The following CR1L variants were observed in gnomAD, a reference collection of about 807,000 sequenced individuals.
CR1L encodes complement C3b/C4b receptor 1 like.
CR1L carries 59 observed loss-of-function variants against 62.3 expected under a neutral mutation model. The observed-to-expected ratio is 0.95, with a 90% CI of 0.77 to 1.18. The LOEUF (loss-of-function observed/expected upper bound fraction) is 1.18. Ranked by LOEUF, CR1L falls within the 50% of genes most tolerant of loss-of-function variation. The pLI is 0.00. For missense variants in CR1L, 700 were observed against 702.8 expected (o/e 1.00, Z 0.04); for synonymous variants, 279 against 248.7 (o/e 1.12, Z -1.15).
intron 1 of CR1L, among the ~76,000 whole-genome samples, chr1:207,676,369 G>A (rs1663692269): frequency 6.6e-6 from 1 of 152,190 alleles, no homozygotes; most frequent in South Asian, 2.1e-4. Flanking sequence ...AACAGTAGGA[G>A]GTGAGCGGCC....
chr1:207,679,141 G>T (rs1042573269), intron 3 of CR1L, among the ~76,000 whole-genome samples: 1 of 148,270 alleles, frequency 6.7e-6, no homozygotes, highest in Non-Finnish European at 1.5e-5. Context: ...GGGACAACAG[G>T]TGCCCACCAC....
intron 1 of CR1L, chr1:207,669,492 G>A: frequency 6.3e-7 from 1 of 1,581,076 alleles, no homozygotes; most frequent in Admixed American, 1.7e-5. Flanking sequence ...GGCAGCCGGC[G>A]CCCGGTCTCC....
chr1:207,722,666 G>A (rs141985259), intron 11 of CR1L, among the ~76,000 whole-genome samples: 4 of 152,158 alleles, frequency 2.6e-5, no homozygotes, highest in East Asian at 3.9e-4. Context: ...TTAAATTAAC[G>A]ACAAACAGGT....
At chr1:207,656,568 C>A (rs1213689095) in intron 1 of CR1L, among the ~76,000 whole-genome samples, 1 of 152,010 alleles carries the variant, frequency 6.6e-6, no homozygotes, top group Admixed American at 6.6e-5. Flanking sequence ...ACAAGCTGTA[C>A]AGGAAGCATG....
chr1:207,664,276 G>T (rs1160672538), intron 1 of CR1L, among the ~76,000 whole-genome samples: 3 of 152,174 alleles, frequency 2.0e-5, no homozygotes. Flanking sequence ...CATTTCTGTG[G>T]TCTTCAGTTT....
At chr1:207,660,827 A>G (rs1241582657) in intron 1 of CR1L, among the ~76,000 whole-genome samples, 1 of 152,160 alleles carries the variant, frequency 6.6e-6, no homozygotes, top group Non-Finnish European at 1.5e-5. Context: ...TGTGTCCCAG[A>G]GATTCTGGTA....
At chr1:207,670,236 G>C (rs1273031878) in intron 1 of CR1L, among the ~76,000 whole-genome samples, 1 of 151,050 alleles carries the variant, frequency 6.6e-6, no homozygotes, top group East Asian at 1.9e-4. Context: ...TGATGCACTT[G>C]ATTGACAGCA....
chr1:207,695,698 G>A (rs1664067902), intron 5 of CR1L, among the ~76,000 whole-genome samples: 3 of 152,180 alleles, frequency 2.0e-5, no homozygotes, highest in Admixed American at 1.3e-4. Flanking sequence ...TTAACTCTCA[G>A]TTCTGCAGGC....
At chr1:207,723,066 G>C (rs1654173381) in intron 11 of CR1L, among the ~76,000 whole-genome samples, 1 of 152,056 alleles carries the variant, frequency 6.6e-6, no homozygotes, top group African/African-American at 2.4e-5. Context: ...CTAGGATTTG[G>C]GGTGATATTT....
Position 207,708,260 on chromosome 1 carries a change from C to T in CR1L, c.1411C>T (p.Gln471Ter), listed in dbSNP as rs200058088. 47 of 1,611,108 alleles carry T rather than the reference C, an allele frequency of 2.9e-5. No individual in the cohort carries two copies. Among genetic ancestry groups the T allele is most frequent in the Middle Eastern group, 2.2e-4 (1 of 4,448 alleles). ...TTGGAGCATGAAGCCACCAATTTGT[C>T]AACGTGAGTTGAAATCTCTTTCCCC... is the stretch of plus-strand genomic sequence containing the variant. ...AHWSMKPPIC[Q>*]QIFCPNPPAI... is the part of the protein sequence containing the mutation. Residue 471 changes from glutamine (Q) to a stop codon, truncating the protein, a stop_gained, in exon 10 of 12, where the codon CAA (glutamine) becomes TAA (stop). Transcript: ENST00000508064. LOFTEE classifies it high-confidence loss of function.
chr1:207,710,457 G>C, intron 10 of CR1L: 1 of 1,593,468 alleles, frequency 6.3e-7, no homozygotes, highest in Non-Finnish European at 8.6e-7. Context: ...TTTCACTATG[G>C]ATCAGTGGTG....
At chr1:207,688,996 T>C (rs887947056) in intron 4 of CR1L, among the ~76,000 whole-genome samples, 1 of 152,198 alleles carries the variant, frequency 6.6e-6, no homozygotes, top group African/African-American at 2.4e-5. Flanking sequence ...TCCTTTCTTA[T>C]GTCTTTTGTT....
At chr1:207,683,146 T>G in intron 3 of CR1L, among the ~76,000 whole-genome samples, 1 of 150,648 alleles carries the variant, frequency 6.6e-6, no homozygotes, top group East Asian at 1.9e-4. Flanking sequence ...CCCGCCCCTT[T>G]CTTTCCTACT....
At chr1:207,685,131 CAATAT>C (rs1204037111) in intron 4 of CR1L, among the ~76,000 whole-genome samples, 1 of 152,072 alleles carries the variant, frequency 6.6e-6, no homozygotes, top group East Asian at 1.9e-4. Flanking sequence ...AAAAAACAAA[CAATAT>C]AATAATACAC....
chr1:207,682,437 C>T (rs1023874017), intron 3 of CR1L, among the ~76,000 whole-genome samples: 7 of 151,840 alleles, frequency 4.6e-5, no homozygotes, highest in Non-Finnish European at 5.9e-5. Flanking sequence ...CCAGCCTGGG[C>T]GACAAGAGTG....
Position 207,699,232 on chromosome 1 carries a change from G to A in CR1L, c.1186G>A (p.Gly396Arg), listed in dbSNP as rs757271882. 7 of 1,613,608 alleles carry A rather than the reference G, an allele frequency of 4.3e-6. No homozygotes were observed. The African/African-American group carries it at 8.0e-5, about 18-fold the overall frequency. Residue 396 changes from glycine (G) to arginine (R), a missense_variant, in exon 8 of 12, where the codon GGA becomes AGA. By Grantham distance (125) the Gly-to-Arg change is moderately radical. Transcript: ENST00000508064. ...GSSASYCVLA[G>R]MESLWNSSVP... Reference sequence around the variant, plus strand: ...CTCTGCTAGTTACTGTGTTTTGGCTGGAATGGAAAGCCTTTGGAATAGCAG... The same window carrying A: ...CTCTGCTAGTTACTGTGTTTTGGCTAGAATGGAAAGCCTTTGGAATAGCAG...
chr1:207,655,309 A>G, intron 1 of CR1L: 2 of 519,334 alleles, frequency 3.9e-6, no homozygotes, highest in Non-Finnish European at 7.0e-6. Flanking sequence ...TTTTTAATTC[A>G]GACCAGTAGT....
intron 10 of CR1L, among the ~76,000 whole-genome samples, chr1:207,713,504 G>A (rs551450848): frequency 1.3e-5 from 2 of 152,360 alleles, no homozygotes; most frequent in East Asian, 1.9e-4. Flanking sequence ...CTCTACCCAG[G>A]ATCAATGCAG....
chr1:207,677,528 A>G lies in CR1L; in HGVS notation c.237A>G (p.Leu79=). The change falls in exon 2 of 12, where the codon CTA becomes CTG. Residue 79 remains leucine, a synonymous_variant. Coordinates refer to ENST00000508064, the MANE Select transcript of CR1L (RefSeq NM_175710.2). The part of the protein sequence containing the change: ...YSGRPFSIIC[L]KNSVWTSAKD... ...GAAGACCGTTTTCTATCATCTGCCT[A>G]AAAAACTCAGTCTGGACAAGTGCTA... 6.2e-7 allele frequency: 1 copy of G among 1,613,920 alleles called. No individual in the cohort carries two copies. The highest frequency in any genetic ancestry group is 2.2e-5 in the East Asian group (1 of 44,876).
Sources: gnomAD v4.1 joint callset for allele counts (sites outside exome capture counted in the v4.1 genomes callset) on GRCh38, gnomAD v4.1.1 for gene constraint, MANE v1.5 for transcripts, NCBI Gene and HGNC (gene_info 2026-07-23, HGNC 2026-07-21) for gene names.